CCSER1: variants seen among roughly 807,000 people sequenced by gnomAD.
CCSER1 encodes the protein coiled-coil serine rich protein 1, also known as serine-rich coiled-coil domain-containing protein 1.
Under a neutral mutation model 82.0 loss-of-function variants are expected in CCSER1, and 41 were observed. The ratio of observed to expected loss-of-function variants is 0.50; its 90% CI spans 0.39 to 0.65. CCSER1 has a LOEUF of 0.65. Among genes scored for constraint, CCSER1 ranks in the 30% least tolerant of loss-of-function variants. CCSER1 has a pLI of 0.00. For missense variants in CCSER1, 1,119 were observed against 1,064.2 expected, an observed-to-expected ratio of 1.05 and a Z score of -0.72; for synonymous variants, 414 against 383.9, an observed-to-expected ratio of 1.08 and a Z score of -0.92.
At chr4:90,612,217 GA>G (rs1335066183) in intron 5 of CCSER1, among the ~76,000 whole-genome samples, 1 of 152,064 alleles carries the variant, frequency 6.6e-6, no homozygotes, top group Non-Finnish European at 1.5e-5. Context: ...TTAGTTTATA[GA>G]AAAGTTTTAG....
intron 5 of CCSER1, among the ~76,000 whole-genome samples, chr4:90,493,810 C>T (rs1768500212): frequency 6.6e-6 from 1 of 151,944 alleles, no homozygotes; most frequent in Non-Finnish European, 1.5e-5. Context: ...ACTGCAAAAA[C>T]ATGCTAAATT....
intron 7 of CCSER1, among the ~76,000 whole-genome samples, chr4:90,741,741 G>T (rs1285806831): frequency 3.3e-5 from 5 of 152,106 alleles, no homozygotes; most frequent in Non-Finnish European, 5.9e-5. Flanking sequence ...AAAATAAGAA[G>T]TTAGTAACCC....
intron 9 of CCSER1, among the ~76,000 whole-genome samples, chr4:91,004,329 A>G (rs2035115): frequency 0.33 from 50,646 of 152,040 alleles, 9,380 homozygotes; most frequent in East Asian, 0.43. Flanking sequence ...AGTGCCCAGG[A>G]AGTCATTGTC....
chr4:90,328,620 T>C (rs989540418), intron 3 of CCSER1, among the ~76,000 whole-genome samples: 2 of 152,196 alleles, frequency 1.3e-5, no homozygotes, highest in Non-Finnish European at 2.9e-5. Flanking sequence ...TGGCAAAAGT[T>C]GCGGGCATTG....
rs1560723621 is a variant in CCSER1 at position 90,562,854 on chromosome 4, A to ATTT, written c.1725-65171_1725-65170insTTT. ...TGCCCAGCCTCCCTTTTTTTTTTTAAAAAAAAAAAAAAAGACCTAAAGATA... is the reference window on the plus strand; with the variant it reads ...TGCCCAGCCTCCCTTTTTTTTTTTAATTTAAAAAAAAAAAAAGACCTAAAGATA... On this transcript the variant is annotated intron_variant, in intron 5 of 10. Transcript: ENST00000509176. 9.3e-4 allele frequency among the ~76,000 whole-genome samples: 134 copies of ATTT among 144,390 alleles called. 2 individuals are homozygous for ATTT. The East Asian group carries it at 0.013, about 14-fold the overall frequency. The allele number at this position is 144,390 out of a possible 152,430, so 94.7% of individuals were successfully genotyped here. A position where few individuals can be genotyped will look rare whatever the true frequency, so the allele number is the denominator to read the frequency against.
At chr4:90,841,820 A>ACT (rs1482937346) in intron 8 of CCSER1, among the ~76,000 whole-genome samples, 2 of 151,984 alleles carry the variant, frequency 1.3e-5, no homozygotes, top group Non-Finnish European at 1.5e-5. Flanking sequence ...AGTGTGTCTG[A>ACT]CTCTCATTCA....
At chr4:91,041,479 G>A (rs11723746) in intron 9 of CCSER1, among the ~76,000 whole-genome samples, 22,639 of 152,012 alleles carry the variant, frequency 0.15, 1,879 homozygotes, top group African/African-American at 0.21. Flanking sequence ...CTTTATTTCC[G>A]ATACTTTGTT....
intron 10 of CCSER1, among the ~76,000 whole-genome samples, chr4:91,359,421 G>A (rs1241057177): frequency 6.6e-6 from 1 of 151,738 alleles, no homozygotes; most frequent in East Asian, 1.9e-4. Context: ...ATATGAGAGG[G>A]TCTCTCTCTT....
At chr4:90,476,983 T>G (rs1213360447) in intron 5 of CCSER1, among the ~76,000 whole-genome samples, 1 of 152,206 alleles carries the variant, frequency 6.6e-6, no homozygotes, top group Non-Finnish European at 1.5e-5. Flanking sequence ...AAATACAGAT[T>G]TGTCAGATCA....
At chr4:90,409,260 A>G (rs1025470957) in intron 4 of CCSER1, among the ~76,000 whole-genome samples, 1 of 152,188 alleles carries the variant, frequency 6.6e-6, no homozygotes, top group Non-Finnish European at 1.5e-5. Flanking sequence ...CCAACATTCA[A>G]ATTCAGGAAA....
At chr4:91,102,379 C>G (rs1401311500) in intron 10 of CCSER1, among the ~76,000 whole-genome samples, 2 of 152,162 alleles carry the variant, frequency 1.3e-5, no homozygotes, top group African/African-American at 2.4e-5. Flanking sequence ...TAGCTTCGTA[C>G]AGCAAGGTTA....
At chr4:91,527,130 C>T (rs1365502229) in intron 10 of CCSER1, among the ~76,000 whole-genome samples, 1 of 152,132 alleles carries the variant, frequency 6.6e-6, no homozygotes, top group Non-Finnish European at 1.5e-5. Context: ...AGAACATTAA[C>T]AGATCTTTAA....
chr4:91,118,140 A>G (rs1726786357), intron 10 of CCSER1, among the ~76,000 whole-genome samples: 1 of 152,184 alleles, frequency 6.6e-6, no homozygotes, highest in Non-Finnish European at 1.5e-5. Context: ...TATGTTAAGG[A>G]AAGATGCATG....
chr4:90,338,439 T>C (rs1020253266), intron 3 of CCSER1, among the ~76,000 whole-genome samples: 1 of 152,244 alleles, frequency 6.6e-6, no homozygotes, highest in Non-Finnish European at 1.5e-5. Context: ...TTCCTAACAA[T>C]GTTCATTCTT....
Position 91,471,122 on chromosome 4 carries a change from TG to T in CCSER1, c.2218-127449del, listed in dbSNP as rs371132800. ...TAATCGTATCTTTATTTTAATATTT[TG>T]TCCAGTTCAACAATATTTGCTTCAG... On this transcript the variant is annotated intron_variant, in intron 10 of 10. Coordinates refer to ENST00000509176, the MANE Select transcript of CCSER1 (RefSeq NM_001145065.2). Among the ~76,000 whole-genome samples, 253 of 152,308 alleles carry T rather than the reference TG, an allele frequency of 1.7e-3. 1 individual carries two copies. The highest frequency in any genetic ancestry group is 5.8e-3 in the African/African-American group (240 of 41,574).
At chr4:90,999,918 G>A (rs1394308132) in intron 9 of CCSER1, among the ~76,000 whole-genome samples, 2 of 146,138 alleles carry the variant, frequency 1.4e-5, no homozygotes, top group African/African-American at 5.0e-5. Context: ...TATAGTTTGA[G>A]GTCTTATATT....
intron 6 of CCSER1, among the ~76,000 whole-genome samples, chr4:90,668,090 C>T (rs575520484): frequency 2.0e-5 from 3 of 152,210 alleles, no homozygotes; most frequent in African/African-American, 7.2e-5. Flanking sequence ...AGATGCCAAT[C>T]CTGGTAATGT....
At chr4:90,277,586 T>A (rs933441223) in intron 1 of CCSER1, among the ~76,000 whole-genome samples, 28 of 152,094 alleles carry the variant, frequency 1.8e-4, no homozygotes, top group Non-Finnish European at 4.4e-5. Flanking sequence ...GGAAAAGACT[T>A]CTTATTCAAT....
At chr4:90,919,457 G>A (rs1180953160) in intron 8 of CCSER1, among the ~76,000 whole-genome samples, 1 of 151,808 alleles carries the variant, frequency 6.6e-6, no homozygotes, top group African/African-American at 2.4e-5. Flanking sequence ...ATGTTCTGGA[G>A]AGGATTCATA....
Sources: gnomAD v4.1 joint callset for allele counts (sites outside exome capture counted in the v4.1 genomes callset) on GRCh38, gnomAD v4.1.1 for gene constraint, MANE v1.5 for transcripts, NCBI Gene and HGNC (gene_info 2026-07-23, HGNC 2026-07-21) for gene names.